ANO7: variants seen among roughly 807,000 people sequenced by gnomAD.
ANO7 encodes anoctamin-7.
ANO7 carries 114 observed loss-of-function variants against 115.8 expected under a neutral mutation model. The observed-to-expected ratio is 0.98, with a 90% CI of 0.85 to 1.15. The LOEUF is 1.15. Ranked by LOEUF, ANO7 falls within the 50% of genes most tolerant of loss-of-function variation. ANO7 has a pLI of 0.00. For synonymous variants in ANO7, 550 were observed against 498.2 expected (o/e 1.10, Z -1.38); for missense variants, 1,302 against 1,201.2 (o/e 1.08, Z -1.24).
At chr2:241,235,646 G>T in the ANO7 span, 1 of 1,314,800 alleles carries the variant, frequency 7.6e-7, no homozygotes, top group East Asian at 2.3e-5. Flanking sequence ...GCAGAGTGAC[G>T]TTGTAAGCTC....
At chr2:241,229,784 G>GGGCCCCCCCCCCACC, downstream of ANO7, 1 of 1,502,550 alleles carries the variant, frequency 6.7e-7, no homozygotes, top group Non-Finnish European at 9.1e-7. Context: ...AAGCCCGCCT[G>GGGCCCCCCCCCCACC]CCCGCCCACC....
At chr2:241,198,060 T>C (rs1026007513) in intron 4 of ANO7, among the ~76,000 whole-genome samples, 45 of 152,354 alleles carry the variant, frequency 3.0e-4, no homozygotes, top group Admixed American at 3.3e-4. Flanking sequence ...TGGCTGGCTG[T>C]CCTGGTCATG....
chr2:241,230,769 T>C, downstream of ANO7: 2 of 1,614,180 alleles, frequency 1.2e-6, no homozygotes, highest in East Asian at 2.2e-5. The surrounding 1 kb of genome is among the most constrained non-coding windows in gnomAD (Gnocchi z 5.0). Context: ...CTTGAATTCG[T>C]CCATGATTTT....
intron 11 of ANO7, among the ~76,000 whole-genome samples, chr2:241,208,252 G>A (rs2068635174): frequency 1.3e-5 from 2 of 152,214 alleles, no homozygotes; most frequent in African/African-American, 4.8e-5. Context: ...CCACAAATGG[G>A]GACTTAAAAC....
chr2:241,236,783 G>A, the ANO7 span: 1 of 1,613,118 alleles, frequency 6.2e-7, no homozygotes, highest in Non-Finnish European at 8.5e-7. Context: ...GAGAGAAAGG[G>A]GAAAAGGGAC....
chr2:241,193,060 GGTTTTTT>G lies in ANO7; in HGVS notation c.166+1826_166+1832del, dbSNP rs1221347206. Reference sequence around the variant, plus strand: ...AAGATGGTTTTTTGTTTGGTTGGTTGGTTTTTTGTTTTTTGTTTTTTGTGTTTTTTTT... The same window carrying G: ...AAGATGGTTTTTTGTTTGGTTGGTTGGTTTTTTGTTTTTTGTGTTTTTTTT... On this transcript the variant is annotated intron_variant, in intron 3 of 24. Coordinates refer to ENST00000674324, the MANE Select transcript of ANO7 (RefSeq NM_001370694.2). Among the ~76,000 whole-genome samples the G allele has an allele frequency of 1.0e-3, 157 of 151,944 alleles. 1 individual carries two copies. The highest frequency in any genetic ancestry group is 2.0e-3 in the Non-Finnish European group (134 of 67,944).
rs1574778229 is a variant in ANO7, at chr2:241,207,688, T to G, written c.1077+18T>G. On this transcript the variant is annotated intron_variant, in intron 11 of 24. Coordinates refer to ENST00000674324, the MANE Select transcript of ANO7 (RefSeq NM_001370694.2). ...TGGCCCAGGTACGAGAAGAGGTGGGTGGGGTAAGGGATTTGAGAGTCGGGG... is the reference window on the plus strand; with the variant it reads ...TGGCCCAGGTACGAGAAGAGGTGGGGGGGGTAAGGGATTTGAGAGTCGGGG... The G allele has an allele frequency of 5.6e-6, 9 of 1,611,544 alleles. No homozygotes were observed. The highest frequency in any genetic ancestry group is 7.6e-6 in the Non-Finnish European group (9 of 1,178,800).
chr2:241,210,140 T>G (rs538754618), intron 13 of ANO7, among the ~76,000 whole-genome samples, 155 bp from the exon 14 acceptor site: 17 of 152,274 alleles, frequency 1.1e-4, no homozygotes, highest in African/African-American at 3.6e-4. Flanking sequence ...GGACATAGCC[T>G]GGGAGCACAG....
In ANO7 at chr2:241,207,583, G is replaced by A; in HGVS notation, c.990G>A (p.Leu330=). Residue 330 remains leucine, a synonymous_variant, in exon 11 of 25, where the codon CTG becomes CTA. Coordinates refer to ENST00000674324, the MANE Select transcript of ANO7 (RefSeq NM_001370694.2). ...GCTCCATGCCTTGCAGGCAGGAACT[G>A]TGTGGCAGCAAGGACAGCTTCGAGA... ...LVFSDIPTQE[L]CGSKDSFEMC... The A allele has an allele frequency of 6.2e-7, 1 of 1,613,584 alleles. No homozygotes were observed. Among genetic ancestry groups the A allele is most frequent in the African/African-American group, 1.3e-5 (1 of 75,052 alleles).
At chr2:241,217,634 G>T in intron 19 of ANO7, 52 bp from the exon 20 acceptor site, 4 of 1,532,794 alleles carry the variant, frequency 2.6e-6, no homozygotes, top group Non-Finnish European at 3.5e-6. Context: ...CGCGTTCCGA[G>T]GGCTGAGGGC....
chr2:241,238,762 G>C, the ANO7 span: 1 of 1,562,842 alleles, frequency 6.4e-7, no homozygotes, highest in Admixed American at 1.8e-5. The surrounding 1 kb of genome is among the most constrained non-coding windows in gnomAD (Gnocchi z 4.9). Context: ...CTGGGGTATA[G>C]CACATTCTAA....
At chr2:241,231,199 A>G in the ANO7 span, 1 of 395,602 alleles carries the variant, frequency 2.5e-6, no homozygotes, top group African/African-American at 2.0e-5. Flanking sequence ...AGCCTGACCA[A>G]CATGGAGAAA....
chr2:241,219,545 A>G (rs2149266837), intron 21 of ANO7, among the ~76,000 whole-genome samples: 1 of 151,668 alleles, frequency 6.6e-6, no homozygotes, highest in African/African-American at 2.4e-5. Flanking sequence ...GGGGTTACTC[A>G]TATGTTTAGC....
chr2:241,230,760 T>A, downstream of ANO7: 1 of 1,613,726 alleles, frequency 6.2e-7, no homozygotes, highest in Non-Finnish European at 8.5e-7. This position sits in a 1 kb window ranked among gnomAD's most constrained non-coding sequence, Gnocchi z 5.0. Flanking sequence ...CCGGCTCACC[T>A]TGAATTCGTC....
At position 241,216,132 on chromosome 2, in the gene ANO7, C is replaced by T. The variant is rs747819024; in HGVS notation, c.1866C>T (p.Ser622=). Reference sequence around the variant, plus strand: ...GGTGGCAGAAGTTCCGGCTTCGCTCCAAGAAGAGGAAGGCGGGAGCTTCTG... The same window carrying T: ...GGTGGCAGAAGTTCCGGCTTCGCTCTAAGAAGAGGAAGGCGGGAGCTTCTG... ...KGWWQKFRLR[S]KKRKAGASAG... The change falls in exon 19 of 25, where the codon TCC becomes TCT. Residue 622 remains serine (S), a synonymous_variant. Transcript: ENST00000674324. 2 of 1,613,068 alleles carry T rather than the reference C, an allele frequency of 1.2e-6. No homozygotes were observed. The highest frequency in any genetic ancestry group is 1.7e-6 in the Non-Finnish European group (2 of 1,179,786).
chr2:241,227,544 C>T (rs1046256318), downstream of ANO7: 1 of 152,594 alleles, frequency 6.6e-6, no homozygotes, highest in Non-Finnish European at 1.5e-5. Context: ...TGGGGACAGT[C>T]ATGTCATCAC....
At position 241,216,212 on chromosome 2, in the gene ANO7, G is replaced by T. The variant is rs1328826104; in HGVS notation, c.1946G>T (p.Gly649Val). 3.1e-6 allele frequency: 5 copies of T among 1,609,456 alleles called. No individual in the cohort carries two copies. Among genetic ancestry groups the T allele is most frequent in the Non-Finnish European group, 3.4e-6 (4 of 1,178,664 alleles). The change falls in exon 19 of 25, where the codon GGT (glycine) becomes GTT (valine). Residue 649 changes from glycine to valine, a missense_variant. Physicochemically the swap from Gly to Val is moderately radical, Grantham distance 109 (BLOSUM62 -3). Transcript: ENST00000674324. ...GACTATGAGCTTGTGCCCTGTGAGG[G>T]TCTGTTTGACGAGTACCTGGAAATG... is the stretch of plus-strand genomic sequence containing the variant. ...EDDYELVPCEGLFDEYLEMVL... is the reference protein window; with the variant it reads ...EDDYELVPCEVLFDEYLEMVL...
In ANO7 at chr2:241,190,242, G is replaced by C. The variant is rs2068165218; in HGVS notation, c.108+71G>C. 11 of 1,357,008 alleles carry C rather than the reference G, an allele frequency of 8.1e-6. No homozygotes were observed. The South Asian group carries it at 1.5e-4, about 19-fold the overall frequency. 84.1% of individuals were successfully genotyped at this position (1,357,008 alleles called of 1,614,324 possible). A position where few individuals can be genotyped will look rare whatever the true frequency, so the allele number is the denominator to read the frequency against. On this transcript the variant is annotated intron_variant, in intron 2 of 24. Transcript: ENST00000674324. ...CTGCCTGGGTCTATGCCCCCACCCT[G>C]GGCCCAGAGCCTCTGGGGGTGGATG...
At chr2:241,190,342 A>G (rs868738251) in intron 2 of ANO7, among the ~76,000 whole-genome samples, 171 bp downstream of exon 2, 1 of 152,176 alleles carries the variant, frequency 6.6e-6, no homozygotes, top group East Asian at 1.9e-4. Context: ...ACACACAGTC[A>G]GATCACCGCT....
Sources: gnomAD v4.1 joint callset for allele counts (sites outside exome capture counted in the v4.1 genomes callset) on GRCh38, gnomAD v4.1.1 for gene constraint, Gnocchi (gnomAD v3.1) non-coding constraint, MANE v1.5 for transcripts, NCBI Gene and HGNC (gene_info 2026-07-23, HGNC 2026-07-21) for gene names.